The following ATG2B variants were observed in gnomAD, a reference collection of about 807,000 sequenced individuals.
ATG2B encodes autophagy-related protein 2 homolog B.
ATG2B carries 121 observed loss-of-function variants against 241.3 expected under a neutral mutation model. The observed-to-expected ratio is 0.50, with a 90% confidence interval of 0.43 to 0.58. The LOEUF is 0.58. Ranked by LOEUF, ATG2B falls within the 20% of genes least tolerant of loss-of-function variation. The pLI is 0.00. For missense variants in ATG2B, 2,306 were observed against 2,491.6 expected (o/e 0.93, Z 1.59); for synonymous variants, 858 against 876.6 (o/e 0.98, Z 0.37).
rs574434217 is a variant in ATG2B, at chr14:96,309,744, T to C, written c.4162-150A>G. 1.1e-5 allele frequency: 8 copies of C among 741,016 alleles called. No homozygotes were observed. The South Asian group carries it at 2.1e-4, about 19-fold the overall frequency. 45.9% of individuals were successfully genotyped at this position (741,016 alleles called of 1,614,324 possible). ...TTTTCTATGCCCAGCAGCTGTTATATTTCAAGTTTTTAGTATTATCACCCT... is the reference window on the plus strand; with the variant it reads ...TTTTCTATGCCCAGCAGCTGTTATACTTCAAGTTTTTAGTATTATCACCCT... On this transcript the variant is annotated intron_variant, in intron 28 of 41. Coordinates refer to ENST00000359933, the MANE Select transcript of ATG2B (RefSeq NM_018036.7).
At chr14:96,320,304 C>A (rs1012869274) in intron 18 of ATG2B, among the ~76,000 whole-genome samples, 1 of 152,026 alleles carries the variant, frequency 6.6e-6, no homozygotes, top group Non-Finnish European at 1.5e-5. Flanking sequence ...GTATTTGTTA[C>A]TTTTAAGTAT....
At chr14:96,337,634 TAAG>T (rs1397014307) in intron 6 of ATG2B, among the ~76,000 whole-genome samples, 3 of 152,354 alleles carry the variant, frequency 2.0e-5, no homozygotes, top group East Asian at 3.9e-4. Context: ...TCCATTGGAC[TAAG>T]TGCCTATTTT....
chr14:96,296,417 C>T (rs1242509351), intron 34 of ATG2B, among the ~76,000 whole-genome samples: 4 of 152,036 alleles, frequency 2.6e-5, no homozygotes, highest in Non-Finnish European at 4.4e-5. Context: ...AATATATCTT[C>T]GAGGATATAT....
At position 96,331,429 on chromosome 14, in the gene ATG2B, ATCT is replaced by A; in HGVS notation, c.1674_1676del (p.Glu558del). 11 of 1,614,100 alleles carry A rather than the reference ATCT, an allele frequency of 6.8e-6. No individual in the cohort carries two copies. The highest frequency in any genetic ancestry group is 1.1e-5 in the South Asian group (1 of 91,080). On this transcript the variant is annotated inframe_deletion, in exon 11 of 42. Transcript: ENST00000359933. ...CAAACACTGCTCGGAAAGACTTAAA[ATCT>A]TCTGTTGAAAATCTTGCTGGATCAA... is the stretch of plus-strand genomic sequence containing the variant.
chr14:96,322,022 A>T, intron 18 of ATG2B, 90 bp downstream of exon 18: 2 of 924,430 alleles, frequency 2.2e-6, no homozygotes, highest in Non-Finnish European at 3.2e-6. Flanking sequence ...TATAATATTC[A>T]GGCAAGGAAA....
At chr14:96,305,481 T>G (rs1025061091) in intron 31 of ATG2B, 108 bp downstream of exon 31, 2 of 670,610 alleles carry the variant, frequency 3.0e-6, no homozygotes, top group Non-Finnish European at 4.8e-6. Context: ...CTTAAAATGA[T>G]AAATCCTATT....
rs1299718438 is a variant in ATG2B, at chr14:96,322,085, G to T, written c.2879+27C>A. ...GGCAATTAGAAAATCTGATTCCAAA[G>T]ATTCAACTAAATGTGTATAAACTCA... On this transcript the variant is annotated intron_variant, in intron 18 of 41. Transcript: ENST00000359933. 4.1e-6 allele frequency: 6 copies of T among 1,469,790 alleles called. No individual in the cohort carries two copies. The East Asian group carries it at 1.1e-4, about 26-fold the overall frequency. The allele number at this position is 1,469,790 out of a possible 1,614,324, so 91.0% of individuals were successfully genotyped here.
intron 8 of ATG2B, 105 bp downstream of exon 8, chr14:96,333,583 T>C (rs1887795706): frequency 1.9e-6 from 2 of 1,047,614 alleles, no homozygotes; most frequent in East Asian, 2.6e-5. Context: ...GTGGATCTTT[T>C]TGTTCTTTCA....
At chr14:96,353,294 T>C (rs956661962) in intron 1 of ATG2B, among the ~76,000 whole-genome samples, 8 of 152,130 alleles carry the variant, frequency 5.3e-5, no homozygotes, top group African/African-American at 1.9e-4. Context: ...AAAATGAATA[T>C]AGTAAGCCCT....
intron 21 of ATG2B, among the ~76,000 whole-genome samples, chr14:96,315,910 G>A (rs1057219492): frequency 6.6e-6 from 1 of 152,192 alleles, no homozygotes. Context: ...GAACCAAAAG[G>A]AAATATTCCT....
At chr14:96,362,469 T>G (rs1333253734) in intron 1 of ATG2B, among the ~76,000 whole-genome samples, 1 of 152,162 alleles carries the variant, frequency 6.6e-6, no homozygotes, top group Non-Finnish European at 1.5e-5. Flanking sequence ...AGGGTTTGTT[T>G]GCCACAAAAC....
intron 35 of ATG2B, 41 bp from the exon 36 acceptor site, chr14:96,295,208 T>G (rs1486977625): frequency 1.3e-6 from 2 of 1,492,034 alleles, no homozygotes; most frequent in Non-Finnish European, 1.9e-6. Flanking sequence ...TAGATATGCT[T>G]CTTCTTAGCA....
intron 34 of ATG2B, among the ~76,000 whole-genome samples, chr14:96,297,450 T>G (rs1047933327): frequency 1.3e-5 from 2 of 152,200 alleles, no homozygotes; most frequent in African/African-American, 4.8e-5. Flanking sequence ...CAGGCTGGAG[T>G]GCAGTGGCAC....
In ATG2B at chr14:96,346,021, A is replaced by G. The variant is rs2139898509; in HGVS notation, c.326-636T>C. Among the ~76,000 whole-genome samples, 2 of 152,334 alleles carry G rather than the reference A, an allele frequency of 1.3e-5. 1 individual carries two copies. Among genetic ancestry groups the G allele is most frequent in the South Asian group, 4.1e-4 (2 of 4,832 alleles). The stretch of plus-strand genomic sequence containing the variant: ...GTTAAAGAAATAAGATACGATTAGT[A>G]GACAACTATTGAATGTCAACAGAAA... On this transcript the variant is annotated intron_variant, in intron 2 of 41. Coordinates refer to ENST00000359933, the MANE Select transcript of ATG2B (RefSeq NM_018036.7).
chr14:96,297,811 G>C (rs1886688703), intron 34 of ATG2B, among the ~76,000 whole-genome samples: 1 of 151,764 alleles, frequency 6.6e-6, no homozygotes, highest in African/African-American at 2.4e-5. Flanking sequence ...TTATTTTACA[G>C]ATGGGGGTCT....
chr14:96,326,827 T>C (rs1443826804), intron 14 of ATG2B, among the ~76,000 whole-genome samples: 2 of 152,170 alleles, frequency 1.3e-5, no homozygotes, highest in Admixed American at 6.6e-5. Flanking sequence ...CCTGAGTTGC[T>C]GGGACTATGG....
intron 6 of ATG2B, among the ~76,000 whole-genome samples, chr14:96,334,741 C>T (rs373427082): frequency 1.2e-4 from 18 of 152,276 alleles, no homozygotes; most frequent in African/African-American, 4.3e-4. Flanking sequence ...CAATGTTATA[C>T]TTTTTGTCTC....
intron 29 of ATG2B, among the ~76,000 whole-genome samples, chr14:96,308,253 CACACATATATATATATATA>C (rs1887034295): frequency 2.7e-5 from 1 of 36,428 alleles, no homozygotes; most frequent in East Asian, 7.6e-4. Context: ...TATATATATA[CACACATATATATATATATA>C]TATATATATA....
At chr14:96,287,381 AT>A (rs1410857488) in intron 41 of ATG2B, among the ~76,000 whole-genome samples, 1 of 152,060 alleles carries the variant, frequency 6.6e-6, no homozygotes, top group African/African-American at 2.4e-5. Flanking sequence ...CAACTTGTAC[AT>A]TTCCCTGCAC....
Sources: allele counts gnomAD v4.1 joint callset (sites outside exome capture counted in the v4.1 genomes callset), GRCh38; gene constraint gnomAD v4.1.1; transcripts MANE v1.5; gene names NCBI Gene and HGNC (gene_info 2026-07-23, HGNC 2026-07-21).